Variants in TFCP2 observed in about 807,000 individuals in gnomAD.
The protein encoded by TFCP2 is alpha-globin transcription factor CP2.
A neutral mutation model predicts 73.4 loss-of-function variants in TFCP2; 33 were observed. That is an observed-to-expected ratio of 0.45 (90% CI 0.34 to 0.60). The LOEUF (loss-of-function observed/expected upper bound fraction) is 0.60. TFCP2 is among the 20% of genes least tolerant of loss of function. TFCP2 has a pLI of 0.01. For synonymous variants in TFCP2, 193 were observed against 211.6 expected (o/e 0.91, Z 0.76); for missense variants, 352 against 604.0 (o/e 0.58, Z 4.37).
chr12:51,115,025 C>T (rs1383701544), intron 4 of TFCP2, among the ~76,000 whole-genome samples: 2 of 136,982 alleles, frequency 1.5e-5, no homozygotes, highest in Non-Finnish European at 3.1e-5. Context: ...CGCGCCATTG[C>T]ACTCCAGCCT....
chr12:51,107,474 T>A, intron 6 of TFCP2, 128 bp from the exon 7 acceptor site: 1 of 711,696 alleles, frequency 1.4e-6, no homozygotes, highest in Non-Finnish European at 2.4e-6. Context: ...GCAAGACACA[T>A]CACTTTAAGT....
rs1940170210 is a variant in TFCP2 at position 51,103,914 on chromosome 12, G to A, written c.967-151C>T. 7 of 715,196 alleles carry A rather than the reference G, an allele frequency of 9.8e-6. No individual in the cohort carries two copies. The Admixed American group carries it at 1.1e-4, about 11-fold the overall frequency. 44.3% of individuals were successfully genotyped at this position (715,196 alleles called of 1,614,324 possible). On this transcript the variant is annotated intron_variant, in intron 9 of 14. Coordinates refer to ENST00000257915, the MANE Select transcript of TFCP2 (RefSeq NM_005653.5). ...TTCTCCAACCATGCAAGATGCTCAAGGAGTTCCATCCTTTTCTTCCCCACT... is the reference window on the plus strand; with the variant it reads ...TTCTCCAACCATGCAAGATGCTCAAAGAGTTCCATCCTTTTCTTCCCCACT...
At chr12:51,164,868 T>C (rs73305764) in intron 1 of TFCP2, among the ~76,000 whole-genome samples, 3,182 of 152,040 alleles carry the variant, frequency 0.021, 102 homozygotes, top group African/African-American at 0.07. Flanking sequence ...TAATAAGAGA[T>C]TGAATTGATA....
intron 1 of TFCP2, among the ~76,000 whole-genome samples, chr12:51,169,528 T>C (rs1396586113): frequency 6.7e-6 from 1 of 148,154 alleles, no homozygotes; most frequent in South Asian, 2.1e-4. Context: ...GTCAAGAGAA[T>C]AGTGACAAGT....
chr12:51,132,564 T>A (rs1363666570), intron 1 of TFCP2, among the ~76,000 whole-genome samples: 2 of 151,252 alleles, frequency 1.3e-5, no homozygotes, highest in African/African-American at 2.4e-5. Context: ...GAGATGGGGG[T>A]TTCACCATGC....
chr12:51,107,400 A>G, intron 6 of TFCP2, 54 bp from the exon 7 acceptor site: 1 of 1,476,834 alleles, frequency 6.8e-7, no homozygotes, highest in Non-Finnish European at 9.3e-7. Flanking sequence ...TTAACCCAAA[A>G]TATTGCTTCC....
chr12:51,112,144 G>A (rs1940417032), intron 4 of TFCP2, among the ~76,000 whole-genome samples: 1 of 152,170 alleles, frequency 6.6e-6, no homozygotes, highest in Non-Finnish European at 1.5e-5. Flanking sequence ...GGGTGACAGA[G>A]CAAGACTGTC....
At chr12:51,138,254 G>A (rs1013114777) in intron 1 of TFCP2, among the ~76,000 whole-genome samples, 32 of 152,008 alleles carry the variant, frequency 2.1e-4, no homozygotes, top group Middle Eastern at 3.4e-3. Flanking sequence ...TGATTCTCCC[G>A]CCTCGGCCTG....
At chr12:51,171,286 T>A (rs1341392734) in intron 1 of TFCP2, among the ~76,000 whole-genome samples, 1 of 152,212 alleles carries the variant, frequency 6.6e-6, no homozygotes, top group Non-Finnish European at 1.5e-5. Flanking sequence ...TACACATCTA[T>A]AAATGAAATA....
At chr12:51,166,327 A>C (rs1055961634) in intron 1 of TFCP2, among the ~76,000 whole-genome samples, 1 of 151,562 alleles carries the variant, frequency 6.6e-6, no homozygotes, top group Admixed American at 6.6e-5. Flanking sequence ...AAATAATAAT[A>C]ATAATAAATA....
chr12:51,094,720 A>C lies in TFCP2; in HGVS notation c.*521T>G, dbSNP rs1397473925. 6.5e-6 allele frequency: 1 copy of C among 153,408 alleles called. No individual in the cohort carries two copies. The highest frequency in any genetic ancestry group is 1.9e-4 in the East Asian group (1 of 5,244). 9.5% of individuals were successfully genotyped at this position (153,408 alleles called of 1,614,324 possible). ...CTATTAGTTGTGGTATTACAGGGGA[A>C]CCAAAAGGAAAATTCTGTATTTCTC... is the stretch of plus-strand genomic sequence containing the variant. On this transcript the variant is annotated 3_prime_UTR_variant, in exon 15 of 15. Coordinates refer to ENST00000257915, the MANE Select transcript of TFCP2 (RefSeq NM_005653.5).
intron 1 of TFCP2, among the ~76,000 whole-genome samples, chr12:51,142,865 C>T (rs1018790456): frequency 1.3e-4 from 20 of 152,150 alleles, no homozygotes; most frequent in Non-Finnish European, 2.8e-4. Context: ...AAGTACTTGT[C>T]ATGGTCACCA....
At position 51,094,271 on chromosome 12, in the gene TFCP2, A is replaced by T. The variant is rs1939903966; in HGVS notation, c.*970T>A. On this transcript the variant is annotated 3_prime_UTR_variant, in exon 15 of 15. Transcript: ENST00000257915. Reference sequence around the variant, plus strand: ...CACCACCTCAAATTCTTTGATTCCGATAACTAATGACACTTAAAAAGCATC... The same window carrying T: ...CACCACCTCAAATTCTTTGATTCCGTTAACTAATGACACTTAAAAAGCATC... 6.6e-6 allele frequency: 1 copy of T among 152,160 alleles called. No individual in the cohort carries two copies. Among genetic ancestry groups the T allele is most frequent in the African/African-American group, 2.4e-5 (1 of 41,428 alleles). The allele number at this position is 152,160 out of a possible 1,614,324, so 9.4% of individuals were successfully genotyped here.
intron 1 of TFCP2, among the ~76,000 whole-genome samples, chr12:51,161,822 T>G (rs1407465548): frequency 8.3e-6 from 1 of 120,710 alleles, no homozygotes; most frequent in Non-Finnish European, 1.7e-5. Context: ...GCCCAGACAA[T>G]GGACCTACTA....
chr12:51,120,909 C>CAAAAAAAAAAAAAAAAAAAA (rs35941534), intron 1 of TFCP2, among the ~76,000 whole-genome samples: 1 of 78,728 alleles, frequency 1.3e-5, no homozygotes, highest in Non-Finnish European at 2.5e-5. Context: ...GACTGTGTCT[C>CAAAAAAAAAAAAAAAAAAAA]AAAAAAAAAA....
chr12:51,159,369 G>A (rs1345636450), intron 1 of TFCP2, among the ~76,000 whole-genome samples: 4 of 150,232 alleles, frequency 2.7e-5, no homozygotes, highest in Admixed American at 6.6e-5. Context: ...ACCGAGTCTC[G>A]CTCTGTCACC....
intron 1 of TFCP2, among the ~76,000 whole-genome samples, chr12:51,132,355 G>GTGTTTTT (rs1276335598): frequency 4.7e-5 from 1 of 21,466 alleles, no homozygotes; most frequent in South Asian, 1.6e-3. Context: ...TTAGGGATTA[G>GTGTTTTT]TCTTTTTTTT....
intron 1 of TFCP2, among the ~76,000 whole-genome samples, chr12:51,149,024 C>CAAAAAAAAAAAAAAAAAAAAAAAAAA (rs60318954): frequency 2.1e-4 from 8 of 38,012 alleles, no homozygotes; most frequent in African/African-American, 2.7e-4. Flanking sequence ...GACTCCATCT[C>CAAAAAAAAAAAAAAAAAAAAAAAAAA]AAAAAAAAAA....
At chr12:51,144,689 A>G (rs1941256606) in intron 1 of TFCP2, among the ~76,000 whole-genome samples, 1 of 152,244 alleles carries the variant, frequency 6.6e-6, no homozygotes, top group African/African-American at 2.4e-5. Context: ...ATTAAAGACT[A>G]AAGTGTGAAA....
Sources: allele counts gnomAD v4.1 joint callset (sites outside exome capture counted in the v4.1 genomes callset), GRCh38; gene constraint gnomAD v4.1.1; transcripts MANE v1.5; gene names NCBI Gene and HGNC (gene_info 2026-07-23, HGNC 2026-07-21).